KIF9: variants seen among roughly 807,000 people sequenced by gnomAD.
KIF9 encodes kinesin family member 9.
Under a neutral mutation model 94.8 loss-of-function variants are expected in KIF9, and 68 were observed. That is an observed-to-expected ratio of 0.72 (90% CI 0.59 to 0.88). The LOEUF (loss-of-function observed/expected upper bound fraction) is 0.88, where lower values mean the gene tolerates loss of function less well. KIF9 is among the 40% of genes least tolerant of loss of function. KIF9 has a pLI of 0.00. For synonymous variants in KIF9, 343 were observed against 362.1 expected, an observed-to-expected ratio of 0.95 and a Z score of 0.60; for missense variants, 882 against 982.5, an observed-to-expected ratio of 0.90 and a Z score of 1.37.
chr3:47,273,772 G>A lies in KIF9; in HGVS notation c.260-114C>T, dbSNP rs538025511. 3.5e-6 allele frequency: 3 copies of A among 862,248 alleles called. No homozygotes were observed. The South Asian group carries it at 4.3e-5, about 12-fold the overall frequency. 53.4% of individuals were successfully genotyped at this position (862,248 alleles called of 1,614,324 possible). On this transcript the variant is annotated intron_variant, in intron 3 of 20. Coordinates refer to ENST00000684063, the MANE Select transcript of KIF9 (RefSeq NM_182902.4). ...GCCCTTTGCATGAAGATGGCCAGTG[G>A]GGGCAGCCAAGAACATCAGGAATTC... is the stretch of plus-strand genomic sequence containing the variant.
rs547051140 is a variant in KIF9, at chr3:47,271,314, G to C, written c.514C>G (p.Pro172Ala). 1 of 1,614,026 alleles carries C rather than the reference G, an allele frequency of 6.2e-7. No homozygotes were observed. Among genetic ancestry groups the C allele is most frequent in the East Asian group, 2.2e-5 (1 of 44,866 alleles). Reference sequence around the variant, plus strand: ...AAGCCCTTAATGAAGACTCCTTGAGGGTTTTCCACGATGGTCATTGGTGTG... The same window carrying C: ...AAGCCCTTAATGAAGACTCCTTGAGCGTTTTCCACGATGGTCATTGGTGTG... ...SVTPMTIVEN[P>A]QGVFIKGLSV... Residue 172 changes from proline to alanine, a missense_variant, in exon 5 of 21, where the codon CCT (proline) becomes GCT (alanine). Pro to Ala is a conservative substitution (Grantham distance 27). Coordinates refer to ENST00000684063, the MANE Select transcript of KIF9 (RefSeq NM_182902.4).
Position 47,282,616 on chromosome 3 carries a change from T to TCCGGAAGTGTC in KIF9, c.-138_-128dup. 1 of 1,123,368 alleles carries TCCGGAAGTGTC rather than the reference T, an allele frequency of 8.9e-7. No homozygotes were observed. Among genetic ancestry groups the TCCGGAAGTGTC allele is most frequent in the South Asian group, 2.4e-5 (1 of 41,630 alleles). The allele number at this position is 1,123,368 out of a possible 1,614,324, so 69.6% of individuals were successfully genotyped here. A position where few individuals can be genotyped will look rare whatever the true frequency, so the allele number is the denominator to read the frequency against. On this transcript the variant is annotated 5_prime_UTR_variant, in exon 1 of 21. Coordinates refer to ENST00000684063, the MANE Select transcript of KIF9 (RefSeq NM_182902.4). ...ATGGCAACGGGTCGCTTCCGGGGAT[T>TCCGGAAGTGTC]CCGGAAGTGTCGGGGTGGCGGAAAT...
In KIF9 at chr3:47,264,353, G is replaced by A. The variant is rs535369627; in HGVS notation, c.917-3C>T. The A allele has an allele frequency of 6.2e-7, 1 of 1,612,924 alleles. No individual in the cohort carries two copies. The highest frequency in any genetic ancestry group is 1.7e-5 in the Admixed American group (1 of 60,006). ...GAGGACCATATTGCAGTTTCCCCCT[G>A]CGGAAAGCAAGACACAGAAGGGCTA... On this transcript the variant is annotated splice_polypyrimidine_tract_variant and splice_region_variant and intron_variant, in intron 8 of 20. Transcript: ENST00000684063.
At chr3:47,261,252 A>G (rs1480838513) in intron 9 of KIF9, among the ~76,000 whole-genome samples, 1 of 152,216 alleles carries the variant, frequency 6.6e-6, no homozygotes, top group African/African-American at 2.4e-5. Context: ...ACCACTAGGA[A>G]AGATAAATCT....
chr3:47,265,774 G>C lies in KIF9; in HGVS notation c.872C>G (p.Pro291Arg). Residue 291 changes from proline to arginine, a missense_variant, in exon 8 of 21, where the codon CCC becomes CGC. Physicochemically the swap from Pro to Arg is moderately radical, Grantham distance 103. Transcript: ENST00000684063. ...GTGGGTGAGCTTGCACTGCCGAAAGGGGATGTGGTCCCGCTTCTGGTCCCC... is the reference window on the plus strand; with the variant it reads ...GTGGGTGAGCTTGCACTGCCGAAAGCGGATGTGGTCCCGCTTCTGGTCCCC... ...ALGDQKRDHI[P>R]FRQCKLTHAL... 6.2e-7 allele frequency: 1 copy of C among 1,614,182 alleles called. No homozygotes were observed.
intron 4 of KIF9, among the ~76,000 whole-genome samples, chr3:47,272,148 T>C (rs1701690207): frequency 6.6e-6 from 1 of 151,880 alleles, no homozygotes; most frequent in South Asian, 2.1e-4. Flanking sequence ...ATAAATAATT[T>C]GTCTATTGGT....
chr3:47,234,092 CA>C lies in KIF9; in HGVS notation c.2322+1420del, dbSNP rs1268658256. ...GAGTGAAATTCCATCCCACCCCCCCCAAAAAAAAGAAAGAGAGAAAACTGAG... is the reference window on the plus strand; with the variant it reads ...GAGTGAAATTCCATCCCACCCCCCCCAAAAAAAGAAAGAGAGAAAACTGAG... On this transcript the variant is annotated intron_variant, in intron 20 of 20. Transcript: ENST00000684063. Among the ~76,000 whole-genome samples, 12 of 150,520 alleles carry C rather than the reference CA, an allele frequency of 8.0e-5. 1 individual carries two copies. In the East Asian group the frequency reaches 9.8e-4, roughly 12 times the overall value.
Position 47,275,444 on chromosome 3 carries a change from T to C in KIF9, c.140A>G (p.Asn47Ser), listed in dbSNP as rs138021356. ...AAACGACCAGTCTGTCTGTTGGTTA[T>C]TGACAACTCCTCTCCGAATGTCTTT... Reference protein sequence around the residue: ...LKKDIRRGVVNNQQTDWSFKL... With the variant: ...LKKDIRRGVVSNQQTDWSFKL... Residue 47 changes from asparagine to serine, a missense_variant, in exon 3 of 21, where the codon AAT becomes AGT. Coordinates refer to ENST00000684063, the MANE Select transcript of KIF9 (RefSeq NM_182902.4). 9 of 1,613,112 alleles carry C rather than the reference T, an allele frequency of 5.6e-6. No homozygotes were observed. The African/African-American group carries it at 6.7e-5, about 12-fold the overall frequency.
intron 16 of KIF9, among the ~76,000 whole-genome samples, chr3:47,241,751 G>GTATATATACATGTATATATACA (rs1559428222): frequency 7.0e-5 from 10 of 143,798 alleles, no homozygotes; most frequent in East Asian, 2.0e-4. Context: ...GTATATATAC[G>GTATATATACATGTATATATACA]TATATATACA....
intron 9 of KIF9, among the ~76,000 whole-genome samples, chr3:47,262,266 G>T (rs1281752353): frequency 1.3e-5 from 2 of 148,154 alleles, no homozygotes; most frequent in African/African-American, 2.6e-5. Flanking sequence ...ACCATGCGGG[G>T]TTTTTTTGTT....
At position 47,282,629 on chromosome 3, in the gene KIF9, G is replaced by A; in HGVS notation, c.-140C>T. ...GCTTCCGGGGATTCCGGAAGTGTCG[G>A]GGTGGCGGAAATGAAGTCCGAGGTC... On this transcript the variant is annotated 5_prime_UTR_variant, in exon 1 of 21. Transcript: ENST00000684063. 8.7e-7 allele frequency: 1 copy of A among 1,144,950 alleles called. No homozygotes were observed. Among genetic ancestry groups the A allele is most frequent in the Admixed American group, 4.5e-5 (1 of 22,366 alleles). The allele number at this position is 1,144,950 out of a possible 1,614,324, so 70.9% of individuals were successfully genotyped here.
rs759028338 is a variant in KIF9 at position 47,240,871 on chromosome 3, AT to A, written c.1853del (p.Asn618MetfsTer9). 1 of 1,614,180 alleles carries A rather than the reference AT, an allele frequency of 6.2e-7. No individual in the cohort carries two copies. Among genetic ancestry groups the A allele is most frequent in the South Asian group, 1.1e-5 (1 of 91,084 alleles). On this transcript the variant is annotated frameshift_variant, in exon 17 of 21. Transcript: ENST00000684063. LOFTEE classifies it high-confidence loss of function. Reference protein sequence around the residue: ...KRASETTQHINAIKREIDVTK... With the variant: ...KRASETTQHIXAIKREIDVTK... ...TCACATCAATCTCCCGCTTGATGGC[AT>A]TGATGTGCTGTGTGGTCTCGCTGGC...
At chr3:47,271,766 TA>T (rs1701662919) in intron 4 of KIF9, among the ~76,000 whole-genome samples, 1 of 152,128 alleles carries the variant, frequency 6.6e-6, no homozygotes, top group African/African-American at 2.4e-5. Context: ...CATCCACATA[TA>T]AATCTCTGTG....
intron 10 of KIF9, among the ~76,000 whole-genome samples, chr3:47,255,994 G>T (rs571005360): frequency 1.3e-5 from 2 of 152,144 alleles, no homozygotes; most frequent in Non-Finnish European, 2.9e-5. Flanking sequence ...GCTCCTAACC[G>T]CGAGTGATCC....
intron 9 of KIF9, among the ~76,000 whole-genome samples, chr3:47,259,181 G>A (rs1039675993): frequency 6.6e-6 from 1 of 152,204 alleles, no homozygotes; most frequent in Non-Finnish European, 1.5e-5. Context: ...GGGCGTGACC[G>A]ATCTGTTAAT....
chr3:47,249,148 A>ATTTT (rs36111901), intron 10 of KIF9, among the ~76,000 whole-genome samples: 10 of 139,038 alleles, frequency 7.2e-5, no homozygotes, highest in Non-Finnish European at 7.7e-5. Context: ...GTCACCTCTA[A>ATTTT]TTTTTTTTTT....
chr3:47,267,001 C>T lies in KIF9; in HGVS notation c.743G>A (p.Gly248Asp), dbSNP rs115600624. The T allele has an allele frequency of 2.5e-4, 409 of 1,613,856 alleles. 1 individual carries two copies. The highest frequency in any genetic ancestry group is 3.2e-4 in the Non-Finnish European group (382 of 1,179,946). Residue 248 changes from glycine (G) to aspartate (D), a missense_variant, in exon 7 of 21, where the codon GGC becomes GAC. Transcript: ENST00000684063. ...CCCAGACTTCCCCAGCCTCTCTGAG[C>T]CTGCCAGATCCACCAAGTTAATTTT... ...TSKINLVDLAGSERLGKSGSE... is the reference protein window; with the variant it reads ...TSKINLVDLADSERLGKSGSE...
intron 1 of KIF9, among the ~76,000 whole-genome samples, chr3:47,280,099 A>G (rs1479913313): frequency 6.6e-6 from 1 of 152,084 alleles, no homozygotes; most frequent in East Asian, 1.9e-4. Flanking sequence ...GTGGTAGGAC[A>G]GGTGTGTGTC....
intron 10 of KIF9, among the ~76,000 whole-genome samples, chr3:47,251,695 C>T (rs1700282170): frequency 6.6e-6 from 1 of 152,214 alleles, no homozygotes; most frequent in Admixed American, 6.5e-5. Context: ...GAGAATTCTG[C>T]TTAAGCTGCA....
Sources: gnomAD v4.1 joint callset for allele counts (sites outside exome capture counted in the v4.1 genomes callset) on GRCh38, gnomAD v4.1.1 for gene constraint, MANE v1.5 for transcripts, NCBI Gene and HGNC (gene_info 2026-07-23, HGNC 2026-07-21) for gene names.